Variants in PCBP2 observed in about 807,000 individuals in gnomAD.
PCBP2 encodes the protein poly(rC) binding protein 2.
PCBP2 carries 4 observed loss-of-function variants against 50.1 expected under a neutral mutation model. That is an observed-to-expected ratio of 0.08 (90% CI 0.04 to 0.18). The LOEUF (loss-of-function observed/expected upper bound fraction) is 0.18, where lower values mean the gene tolerates loss of function less well. Among genes scored for constraint, PCBP2 ranks in the 10% least tolerant of loss-of-function variants. PCBP2 has a pLI of 1.00. For synonymous variants in PCBP2, 179 were observed against 168.0 expected (o/e 1.07, Z -0.51); for missense variants, 161 against 474.3 (o/e 0.34, Z 6.14).
intron 5 of PCBP2, among the ~76,000 whole-genome samples, chr12:53,456,396 T>G (rs950674798): frequency 1.3e-5 from 2 of 149,752 alleles, no homozygotes; most frequent in Non-Finnish European, 3.0e-5. Flanking sequence ...AGGCGGAGGT[T>G]GTGGTGAGCC....
intron 14 of PCBP2, among the ~76,000 whole-genome samples, chr12:53,473,866 C>T (rs552733466): frequency 2.6e-5 from 4 of 151,668 alleles, no homozygotes; most frequent in African/African-American, 7.3e-5. Flanking sequence ...GCAGTCTGTC[C>T]TTTTATATAG....
At chr12:53,466,211 G>A (rs1941810266) in intron 10 of PCBP2, among the ~76,000 whole-genome samples, 1 of 152,184 alleles carries the variant, frequency 6.6e-6, no homozygotes, top group Non-Finnish European at 1.5e-5. Flanking sequence ...CTTTCCCCCT[G>A]TGTTTCAGAT....
chr12:53,454,417 T>C (rs1940835571), intron 1 of PCBP2: 1 of 170,132 alleles, frequency 5.9e-6, no homozygotes, highest in African/African-American at 2.4e-5. Context: ...CTTTTTCTGC[T>C]GAAGGACAAG....
chr12:53,479,524 G>A lies in PCBP2; in HGVS notation c.*82G>A, dbSNP rs1592700113. ...TCTGTGTAGTTTCTGAACAGTCAGC[G>A]ATTCCAGGTTTTAAATAGTTTGTAA... On this transcript the variant is annotated 3_prime_UTR_variant, in exon 15 of 15. Transcript: ENST00000546463. 11 of 1,226,124 alleles carry A rather than the reference G, an allele frequency of 9.0e-6. No homozygotes were observed. The East Asian group carries it at 9.4e-5, about 10-fold the overall frequency. 76.0% of individuals were successfully genotyped at this position (1,226,124 alleles called of 1,614,324 possible). A position where few individuals can be genotyped will look rare whatever the true frequency, so the allele number is the denominator to read the frequency against.
intron 13 of PCBP2, 81 bp downstream of exon 13, chr12:53,468,913 T>G: frequency 2.5e-6 from 2 of 799,712 alleles, no homozygotes; most frequent in Non-Finnish European, 3.7e-6. Flanking sequence ...AGTGTCCTGC[T>G]ACCCTTTTTT....
At chr12:53,462,276 A>C (rs995594912) in intron 7 of PCBP2, among the ~76,000 whole-genome samples, 6 of 152,234 alleles carry the variant, frequency 3.9e-5, no homozygotes, top group Admixed American at 2.0e-4. Flanking sequence ...CCTTGATGAG[A>C]ATCAGTTTGA....
At chr12:53,475,116 G>A (rs1259171117) in intron 14 of PCBP2, 1 of 456,464 alleles carries the variant, frequency 2.2e-6, no homozygotes, top group South Asian at 1.5e-5. Context: ...TGTGTCTGCT[G>A]CTAAGGGTAC....
At chr12:53,461,621 C>G (rs975592710) in intron 7 of PCBP2, among the ~76,000 whole-genome samples, 3 of 152,090 alleles carry the variant, frequency 2.0e-5, no homozygotes, top group African/African-American at 2.4e-5. Flanking sequence ...CACTATTATT[C>G]TATTAAAAGA....
At chr12:53,467,122 C>A in intron 10 of PCBP2, 99 bp from the exon 11 acceptor site, 1 of 820,354 alleles carries the variant, frequency 1.2e-6, no homozygotes, top group Admixed American at 2.0e-5. Flanking sequence ...GTAGTAGAGT[C>A]AATTTTGGGA....
chr12:53,456,046 C>T (rs368938246), intron 5 of PCBP2, 45 bp downstream of exon 5: 7 of 1,166,950 alleles, frequency 6.0e-6, no homozygotes, highest in South Asian at 1.2e-5. Flanking sequence ...TAAGTGCTTC[C>T]AGAGAGCTTG....
chr12:53,454,228 A>C (rs539828166), intron 1 of PCBP2, among the ~76,000 whole-genome samples: 9 of 152,198 alleles, frequency 5.9e-5, no homozygotes, highest in Non-Finnish European at 8.8e-5. Flanking sequence ...TGAAATTTGT[A>C]ATGTGGGATA....
At chr12:53,460,536 C>A (rs957316931) in intron 6 of PCBP2, 1 of 204,140 alleles carries the variant, frequency 4.9e-6, no homozygotes, top group Non-Finnish European at 1.1e-5. Context: ...TGGAATGAAA[C>A]TCGAATGGCT....
In PCBP2 at chr12:53,465,912, C is replaced by T; in HGVS notation, c.673-20C>T. The T allele has an allele frequency of 6.2e-7, 1 of 1,604,538 alleles. No homozygotes were observed. The highest frequency in any genetic ancestry group is 8.5e-7 in the Non-Finnish European group (1 of 1,172,266). Reference sequence around the variant, plus strand: ...GTCCGTGATTGGTTTTTAATAGGAACTGTTTTCCTCCTTTTGTAGGCCTAT... The same window carrying T: ...GTCCGTGATTGGTTTTTAATAGGAATTGTTTTCCTCCTTTTGTAGGCCTAT... On this transcript the variant is annotated intron_variant, in intron 9 of 14. Transcript: ENST00000546463.
chr12:53,467,992 C>A, intron 12 of PCBP2, 149 bp downstream of exon 12: 1 of 662,154 alleles, frequency 1.5e-6, no homozygotes, highest in Non-Finnish European at 2.6e-6. Context: ...CTGGAGCCCC[C>A]GAGGGTCCCT....
At chr12:53,477,437 G>A (rs978721813) in intron 14 of PCBP2, among the ~76,000 whole-genome samples, 9 of 151,794 alleles carry the variant, frequency 5.9e-5, no homozygotes, top group African/African-American at 1.9e-4. Context: ...AGGCCGAGGC[G>A]GGTGGATCAC....
At chr12:53,473,767 T>G (rs1942390596) in intron 14 of PCBP2, among the ~76,000 whole-genome samples, 1 of 152,158 alleles carries the variant, frequency 6.6e-6, no homozygotes. Flanking sequence ...CAAAGGGTTT[T>G]TTTTTTTTTC....
At chr12:53,462,608 T>G (rs766328902) in intron 8 of PCBP2, 41 bp downstream of exon 8, 1 of 1,527,926 alleles carries the variant, frequency 6.5e-7, no homozygotes, top group South Asian at 1.1e-5. Flanking sequence ...GAACAGAGAT[T>G]ATATTTGAAA....
Position 53,459,352 on chromosome 12 carries a change from G to C in PCBP2, c.324G>C (p.Gln108His). ...TGAGGCTGGTGGTCCCTGCTAGTCAGTGTGGCTCTCTCATTGGAAAAGGTG... is the reference window on the plus strand; with the variant it reads ...TGAGGCTGGTGGTCCCTGCTAGTCACTGTGGCTCTCTCATTGGAAAAGGTG... ...VTLRLVVPAS[Q>H]CGSLIGKGGC... The change falls in exon 6 of 15, where the codon CAG becomes CAC. Residue 108 changes from glutamine (Q) to histidine (H), a missense_variant. Gln to His is a conservative substitution (Grantham distance 24). Coordinates refer to ENST00000546463, the MANE Select transcript of PCBP2 (RefSeq NM_031989.5). 6.2e-7 allele frequency: 1 copy of C among 1,613,128 alleles called. No individual in the cohort carries two copies. The highest frequency in any genetic ancestry group is 8.5e-7 in the Non-Finnish European group (1 of 1,179,302).
rs1440087026 is a variant in PCBP2, at chr12:53,468,065, C to CT, written c.826+223dup. ...ACAGCAGCCATAGCTGAGATCAGGA[C>CT]TAAGCTTGAGTGTTAGCCAGCTGGC... On this transcript the variant is annotated intron_variant, in intron 12 of 14. Coordinates refer to ENST00000546463, the MANE Select transcript of PCBP2 (RefSeq NM_031989.5). The CT allele has an allele frequency of 4.0e-5, 22 of 547,526 alleles. No individual in the cohort carries two copies. In the Admixed American group the frequency reaches 6.6e-4, roughly 16 times the overall value. 33.9% of individuals were successfully genotyped at this position (547,526 alleles called of 1,614,324 possible).
Sources: gnomAD v4.1 joint callset for allele counts (sites outside exome capture counted in the v4.1 genomes callset) on GRCh38, gnomAD v4.1.1 for gene constraint, MANE v1.5 for transcripts, NCBI Gene and HGNC (gene_info 2026-07-23, HGNC 2026-07-21) for gene names.